NEK6: variants seen among roughly 807,000 people sequenced by gnomAD.
NEK6 encodes NIMA related kinase 6, also known as serine/threonine-protein kinase Nek6.
A neutral mutation model predicts 43.5 loss-of-function variants in NEK6; 27 were observed. The ratio of observed to expected loss-of-function variants is 0.62; its 90% CI spans 0.46 to 0.86. The LOEUF (loss-of-function observed/expected upper bound fraction) is 0.86. Among genes scored for constraint, NEK6 ranks in the 40% least tolerant of loss-of-function variants. NEK6 has a pLI of 0.00. For missense variants in NEK6, 318 were observed against 414.4 expected, an observed-to-expected ratio of 0.77 and a Z score of 2.02; for synonymous variants, 167 against 164.1, an observed-to-expected ratio of 1.02 and a Z score of -0.14.
chr9:124,344,838 C>A (rs1829836251), intron 8 of NEK6, among the ~76,000 whole-genome samples: 2 of 152,224 alleles, frequency 1.3e-5, no homozygotes, highest in Non-Finnish European at 2.9e-5. Flanking sequence ...ATCTGCGGAG[C>A]CTTGGCCGGG....
chr9:124,262,662 A>G (rs1831080326), intron 1 of NEK6, among the ~76,000 whole-genome samples: 1 of 152,250 alleles, frequency 6.6e-6, no homozygotes, highest in African/African-American at 2.4e-5. Flanking sequence ...TGGGGGGGCC[A>G]TGGGAATTGA....
chr9:124,292,552 C>G, intron 1 of NEK6: 1 of 1,536,906 alleles, frequency 6.5e-7, no homozygotes, highest in Non-Finnish European at 8.7e-7. Context: ...GAGTTTTTTA[C>G]AAACACCGAA....
intron 7 of NEK6, 67 bp downstream of exon 7, chr9:124,327,512 A>AGTT (rs1834407779): frequency 8.3e-7 from 1 of 1,211,722 alleles, no homozygotes; most frequent in Non-Finnish European, 1.2e-6. Context: ...GGAGACGCAA[A>AGTT]CATTCTCCCC....
At position 124,326,715 on chromosome 9, in the gene NEK6, C is replaced by G. The variant is rs1834357942; in HGVS notation, c.514+277C>G. Among the ~76,000 whole-genome samples, 1 of 152,190 alleles carries G rather than the reference C, an allele frequency of 6.6e-6. No homozygotes were observed. The highest frequency in any genetic ancestry group is 1.5e-5 in the Non-Finnish European group (1 of 68,024). On this transcript the variant is annotated intron_variant, in intron 6 of 9. Coordinates refer to ENST00000320246, the MANE Select transcript of NEK6 (RefSeq NM_014397.6). The surrounding 1 kb of genome is among the most constrained non-coding windows in gnomAD (Gnocchi z 4.5). ...CAGCCTGGGAGGGAGGTCGAGGAAG[C>G]CTCGCACAGAGGGGACTTTCATGGG...
chr9:124,281,112 C>G (rs1831883217), intron 1 of NEK6, among the ~76,000 whole-genome samples: 1 of 152,238 alleles, frequency 6.6e-6, no homozygotes, highest in African/African-American at 2.4e-5. Flanking sequence ...CCGCTTTTCG[C>G]TTGTGTTTTC....
intron 1 of NEK6, among the ~76,000 whole-genome samples, chr9:124,272,672 A>T (rs904472835): frequency 6.6e-6 from 1 of 152,100 alleles, no homozygotes; most frequent in South Asian, 2.1e-4. Flanking sequence ...GAGACTCACA[A>T]CCGCTCCCCC....
At chr9:124,283,795 C>T (rs549052227) in intron 1 of NEK6, among the ~76,000 whole-genome samples, 95 of 152,368 alleles carry the variant, frequency 6.2e-4, no homozygotes, top group African/African-American at 2.1e-3. Flanking sequence ...AGCTGCTTCC[C>T]GTTCCGAGGA....
intron 7 of NEK6, among the ~76,000 whole-genome samples, chr9:124,329,745 C>T (rs1409334905): frequency 2.6e-5 from 4 of 152,250 alleles, no homozygotes; most frequent in Non-Finnish European, 2.9e-5. Flanking sequence ...CAAGCTAAAG[C>T]CCAGGACCTG....
At chr9:124,268,568 G>A (rs1185484781) in intron 1 of NEK6, among the ~76,000 whole-genome samples, 1 of 152,178 alleles carries the variant, frequency 6.6e-6, no homozygotes, top group African/African-American at 2.4e-5. Flanking sequence ...GTGTTTTGAT[G>A]GGGTCTTTAG....
intron 7 of NEK6, among the ~76,000 whole-genome samples, chr9:124,335,603 C>T (rs4838164): frequency 0.95 from 144,636 of 152,348 alleles, 69,047 homozygotes; most frequent in East Asian, 1. Context: ...CAGTGGCACG[C>T]GCCGCCACAT....
Position 124,311,306 on chromosome 9 carries a change from T to G in NEK6, c.91-1203T>G, listed in dbSNP as rs564096808. 3.9e-5 allele frequency among the ~76,000 whole-genome samples: 6 copies of G among 152,298 alleles called. No individual in the cohort carries two copies. In the South Asian group the frequency reaches 1.2e-3, roughly 32 times the overall value. The stretch of plus-strand genomic sequence containing the variant: ...GTTGAACTGCTTGTTCTGGCTTCAC[T>G]AGGGGCGGTGGCATGGAGCTGGGTG... On this transcript the variant is annotated intron_variant, in intron 2 of 9. Transcript: ENST00000320246.
chr9:124,299,083 T>G (rs57478224), intron 1 of NEK6, among the ~76,000 whole-genome samples: 2,285 of 152,312 alleles, frequency 0.015, 61 homozygotes, highest in African/African-American at 0.052. Flanking sequence ...CCCAGTGGGA[T>G]TTGCCCAAGG....
intron 1 of NEK6, among the ~76,000 whole-genome samples, chr9:124,286,062 A>G (rs773479660): frequency 9.2e-5 from 14 of 152,146 alleles, no homozygotes; most frequent in Non-Finnish European, 1.9e-4. Flanking sequence ...AGTCTCGTGA[A>G]CGGTTCCCCC....
chr9:124,317,800 C>T (rs1354236118), intron 4 of NEK6, among the ~76,000 whole-genome samples: 2 of 152,168 alleles, frequency 1.3e-5, no homozygotes, highest in African/African-American at 4.8e-5. Flanking sequence ...TGTGTTATTT[C>T]TCTTAGGATA....
chr9:124,282,372 AC>A (rs1261020197), intron 1 of NEK6, among the ~76,000 whole-genome samples: 1 of 152,170 alleles, frequency 6.6e-6, no homozygotes, highest in Admixed American at 6.5e-5. Flanking sequence ...ATAGAAAGAC[AC>A]CCGTCATTGA....
chr9:124,266,885 G>A (rs1831252156), intron 1 of NEK6, among the ~76,000 whole-genome samples: 1 of 152,204 alleles, frequency 6.6e-6, no homozygotes, highest in Non-Finnish European at 1.5e-5. Context: ...AGGTTTCTTA[G>A]AGAAATGCTC....
intron 1 of NEK6, among the ~76,000 whole-genome samples, chr9:124,279,587 G>A (rs1289945873): frequency 6.6e-6 from 1 of 152,194 alleles, no homozygotes; most frequent in African/African-American, 2.4e-5. Context: ...ACATGCGTGA[G>A]CCACGCGCCT....
intron 9 of NEK6, among the ~76,000 whole-genome samples, chr9:124,348,724 T>A (rs965725137): frequency 6.6e-6 from 1 of 152,206 alleles, no homozygotes. Context: ...ATGTGACCCT[T>A]ATTTCTGTTC....
intron 1 of NEK6, among the ~76,000 whole-genome samples, chr9:124,300,764 G>A (rs1280952691): frequency 3.3e-5 from 5 of 151,770 alleles, no homozygotes; most frequent in Admixed American, 1.3e-4. Flanking sequence ...TTTCATTCTC[G>A]CCCCCTCAGC....
Sources: gnomAD v4.1 joint callset for allele counts (sites outside exome capture counted in the v4.1 genomes callset) on GRCh38, gnomAD v4.1.1 for gene constraint, Gnocchi (gnomAD v3.1) non-coding constraint, MANE v1.5 for transcripts, NCBI Gene and HGNC (gene_info 2026-07-23, HGNC 2026-07-21) for gene names.